Variants in ADGRG6 observed in about 807,000 individuals in gnomAD.
ADGRG6 encodes the protein adhesion G protein-coupled receptor G6.
Under a neutral mutation model 142.4 loss-of-function variants are expected in ADGRG6, and 84 were observed. The ratio of observed to expected loss-of-function variants is 0.59; its 90% CI spans 0.49 to 0.71. ADGRG6 has a LOEUF of 0.71. Ranked by LOEUF, ADGRG6 falls within the 30% of genes least tolerant of loss-of-function variation. The probability of loss-of-function intolerance (pLI) is 0.00; values close to 1 mark genes in which losing one functional copy is unlikely to be tolerated. For missense variants in ADGRG6, 1,367 were observed against 1,466.6 expected (o/e 0.93, Z 1.11); for synonymous variants, 521 against 520.5 (o/e 1.00, Z -0.01).
chr6:142,323,099 C>G (rs993194229), intron 2 of ADGRG6, among the ~76,000 whole-genome samples: 1 of 145,890 alleles, frequency 6.9e-6, no homozygotes, highest in Admixed American at 6.8e-5. Flanking sequence ...TATATCTGTA[C>G]CCCTGTATAA....
intron 17 of ADGRG6, among the ~76,000 whole-genome samples, chr6:142,410,355 A>G (rs1371069280): frequency 6.6e-6 from 1 of 152,092 alleles, no homozygotes; most frequent in East Asian, 1.9e-4. Context: ...AAGCTGACTG[A>G]AGGAATGTAA....
intron 2 of ADGRG6, among the ~76,000 whole-genome samples, chr6:142,330,747 T>C (rs1424394307): frequency 6.6e-6 from 1 of 152,128 alleles, no homozygotes; most frequent in African/African-American, 2.4e-5. Context: ...CTGATTGTCA[T>C]TAATTTGGGG....
At chr6:142,393,669 G>C (rs1322548871) in intron 8 of ADGRG6, among the ~76,000 whole-genome samples, 1 of 152,110 alleles carries the variant, frequency 6.6e-6, no homozygotes, top group African/African-American at 2.4e-5. Context: ...TTTTTTATCA[G>C]AACGTCTCAG....
chr6:142,352,474 G>T (rs1389072126), intron 2 of ADGRG6, among the ~76,000 whole-genome samples: 1 of 152,098 alleles, frequency 6.6e-6, no homozygotes, highest in Non-Finnish European at 1.5e-5. Flanking sequence ...GAGTGGGGAG[G>T]ATGGAAAGAG....
chr6:142,310,636 CT>C, intron 2 of ADGRG6, among the ~76,000 whole-genome samples: 1 of 151,606 alleles, frequency 6.6e-6, no homozygotes, highest in South Asian at 2.1e-4. Context: ...GATGTGAAAA[CT>C]TTTTTTTCCA....
chr6:142,360,892 G>A (rs760648350), intron 2 of ADGRG6, among the ~76,000 whole-genome samples: 11 of 151,940 alleles, frequency 7.2e-5, no homozygotes, highest in Non-Finnish European at 1.5e-4. Flanking sequence ...TCCTGACCTC[G>A]TGATTCACCT....
chr6:142,302,951 T>G (rs1425120414), intron 1 of ADGRG6, among the ~76,000 whole-genome samples: 1 of 152,076 alleles, frequency 6.6e-6, no homozygotes, highest in African/African-American at 2.4e-5. Flanking sequence ...CGTGGGGAAT[T>G]GGGGCATTGA....
chr6:142,383,099 G>T (rs979061249), intron 5 of ADGRG6, among the ~76,000 whole-genome samples: 1 of 151,868 alleles, frequency 6.6e-6, no homozygotes, highest in Non-Finnish European at 1.5e-5. Flanking sequence ...TTTAAAAAAA[G>T]TTATTTTTAT....
rs142148255 is a variant in ADGRG6, at chr6:142,440,891, A to G, written c.3575-2446A>G. The G allele has an allele frequency of 6.1e-5, 80 of 1,314,868 alleles. No individual in the cohort carries two copies. In the Middle Eastern group the frequency reaches 7.3e-4, roughly 12 times the overall value. The allele number at this position is 1,314,868 out of a possible 1,614,324, so 81.5% of individuals were successfully genotyped here. On this transcript the variant is annotated intron_variant, in intron 24 of 24. Coordinates refer to ENST00000367609, the MANE Select transcript of ADGRG6 (RefSeq NM_198569.3). ...TTTCTTGGAATTGATCTAGATATTC[A>G]TATGTTTATGGTATAGATAATGTCT...
chr6:142,427,151 C>G (rs1021028403), intron 22 of ADGRG6, among the ~76,000 whole-genome samples: 1 of 152,148 alleles, frequency 6.6e-6, no homozygotes, highest in Non-Finnish European at 1.5e-5. Context: ...ATGGCATTAT[C>G]TTTTATATAC....
chr6:142,444,688 G>A lies in ADGRG6; in HGVS notation c.*1173G>A, dbSNP rs1477835877. 1 of 152,158 alleles carries A rather than the reference G, an allele frequency of 6.6e-6. No individual in the cohort carries two copies. Among genetic ancestry groups the A allele is most frequent in the Non-Finnish European group, 1.5e-5 (1 of 68,038 alleles). The allele number at this position is 152,158 out of a possible 1,614,324, so 9.4% of individuals were successfully genotyped here. On this transcript the variant is annotated 3_prime_UTR_variant, in exon 25 of 25. Coordinates refer to ENST00000367609, the MANE Select transcript of ADGRG6 (RefSeq NM_198569.3). ...AGATGGTGTATTATTTATGGATCAG[G>A]CTGCTGCATACAAACCTTGCATACT...
At chr6:142,397,833 T>G in intron 10 of ADGRG6, 78 bp downstream of exon 10, 1 of 894,120 alleles carries the variant, frequency 1.1e-6, no homozygotes, top group East Asian at 3.2e-5. Flanking sequence ...AGCAGAAATT[T>G]TCTTTATGCG....
chr6:142,440,587 C>A (rs1049526044), intron 24 of ADGRG6, among the ~76,000 whole-genome samples: 1 of 152,178 alleles, frequency 6.6e-6, no homozygotes, highest in Non-Finnish European at 1.5e-5. Context: ...TGAGCCACCA[C>A]ACTTAGCCTT....
chr6:142,386,785 C>T (rs1417794880), intron 6 of ADGRG6, among the ~76,000 whole-genome samples: 5 of 152,172 alleles, frequency 3.3e-5, no homozygotes, highest in Non-Finnish European at 7.4e-5. Context: ...ATCTGGGCAG[C>T]TCGGGGCAGC....
At chr6:142,396,026 A>G (rs1381622774) in intron 9 of ADGRG6, among the ~76,000 whole-genome samples, 1 of 152,186 alleles carries the variant, frequency 6.6e-6, no homozygotes, top group Non-Finnish European at 1.5e-5. Flanking sequence ...TTCAGTTTTC[A>G]GGATGAGAGA....
chr6:142,405,735 G>T lies in ADGRG6; in HGVS notation c.2175G>T (p.Leu725Phe). ...TGGATCCACTGGCATCTGTAATTTT[G>T]CCTCCAAACTTACTTGAGAATTTAA... The part of the protein sequence containing the change: ...GQVDPLASVI[L>F]PPNLLENLSP... Residue 725 changes from leucine (L) to phenylalanine (F), a missense_variant, in exon 15 of 25, where the codon TTG becomes TTT. Physicochemically the swap from Leu to Phe is conservative, Grantham distance 22. This residue lies in a region of ADGRG6 where 286 missense variants were observed against 371.4 expected (regional missense o/e 0.77). Transcript: ENST00000367609. 1 of 1,608,212 alleles carries T rather than the reference G, an allele frequency of 6.2e-7. No individual in the cohort carries two copies. Among genetic ancestry groups the T allele is most frequent in the Non-Finnish European group, 8.5e-7 (1 of 1,175,590 alleles).
Position 142,404,867 on chromosome 6 carries a change from G to A in ADGRG6, c.2128-821G>A, listed in dbSNP as rs148356851. ...GGTGACAGTACGGCTGGACACATAA[G>A]CTGGGGCTGGATTAATGGAGAACCT... On this transcript the variant is annotated intron_variant, in intron 14 of 24. Coordinates refer to ENST00000367609, the MANE Select transcript of ADGRG6 (RefSeq NM_198569.3). Among the ~76,000 whole-genome samples, 78 of 152,278 alleles carry A rather than the reference G, an allele frequency of 5.1e-4. 1 individual carries two copies. Among genetic ancestry groups the A allele is most frequent in the African/African-American group, 1.8e-3 (73 of 41,564 alleles).
intron 2 of ADGRG6, among the ~76,000 whole-genome samples, chr6:142,356,266 C>G (rs1235223481): frequency 6.6e-6 from 1 of 152,180 alleles, no homozygotes; most frequent in African/African-American, 2.4e-5. Context: ...TGTAACCACA[C>G]TCTAAATCTT....
At chr6:142,314,971 AGTGTGTGTGTGT>A (rs58848776) in intron 2 of ADGRG6, among the ~76,000 whole-genome samples, 10 of 145,086 alleles carry the variant, frequency 6.9e-5, no homozygotes, top group East Asian at 2.0e-4. Flanking sequence ...CCAATCATGG[AGTGTGTGTGTGT>A]GTGTGTGTGT....
Sources: allele counts gnomAD v4.1 joint callset (sites outside exome capture counted in the v4.1 genomes callset), GRCh38; gene constraint gnomAD v4.1.1; regional missense constraint gnomAD v4.1.1; transcripts MANE v1.5; gene names NCBI Gene and HGNC (gene_info 2026-07-23, HGNC 2026-07-21).